Variants in HDX observed in about 807,000 individuals in gnomAD.
The protein encoded by HDX is chromosome X open reading frame 43.
In HDX, 19 loss-of-function variants were observed where a neutral mutation model predicts 45.2. The ratio of observed to expected loss-of-function variants is 0.42; its 90% CI spans 0.29 to 0.62. HDX has a LOEUF of 0.62. HDX is among the 20% of genes least tolerant of loss of function. The probability of loss-of-function intolerance (pLI) is 0.20; values close to 1 mark genes in which losing one functional copy is unlikely to be tolerated. For missense variants in HDX, 532 were observed against 493.9 expected, an observed-to-expected ratio of 1.08 and a Z score of -0.73; for synonymous variants, 188 against 172.8, an observed-to-expected ratio of 1.09 and a Z score of -0.69.
chrX:84,448,782 C>G (rs1225745152), intron 4 of HDX, among the ~76,000 whole-genome samples: 1 of 110,366 alleles, frequency 9.1e-6, no homozygotes, highest in East Asian at 2.9e-4. Context: ...ATTTATTCAG[C>G]AACAGATTAT....
intron 9 of HDX, among the ~76,000 whole-genome samples, chrX:84,327,812 A>G (rs757196758): frequency 9.0e-6 from 1 of 111,427 alleles, no homozygotes; most frequent in African/African-American, 3.3e-5. Flanking sequence ...TATTTAGTTA[A>G]ATCAATTTTA....
chrX:84,423,312 A>G (rs2039307585), intron 5 of HDX, among the ~76,000 whole-genome samples: 1 of 110,633 alleles, frequency 9.0e-6, no homozygotes, highest in Non-Finnish European at 1.9e-5. Context: ...AACAAAAGAC[A>G]ACAACAAAAA....
In HDX at chrX:84,361,621, C is replaced by T; in HGVS notation, c.1306-9G>A. On this transcript the variant is annotated splice_polypyrimidine_tract_variant and intron_variant, in intron 5 of 10. Coordinates refer to ENST00000373177, the MANE Select transcript of HDX (RefSeq NM_001177479.2). ...TGAGTGCGGTCCTGTAGCTGAAAAA[C>T]ACATTTTTAAATTGTTTTGAATTTT... is the stretch of plus-strand genomic sequence containing the variant. The T allele has an allele frequency of 8.7e-7, 1 of 1,148,601 alleles. No homozygotes were observed. Among genetic ancestry groups the T allele is most frequent in the South Asian group, 2.2e-5 (1 of 46,324 alleles). 94.7% of individuals were successfully genotyped at this position (1,148,601 alleles called of 1,213,427 possible). A position where few individuals can be genotyped will look rare whatever the true frequency, so the allele number is the denominator to read the frequency against.
At chrX:84,343,649 T>C (rs764045051) in intron 7 of HDX, among the ~76,000 whole-genome samples, 1 of 111,059 alleles carries the variant, frequency 9.0e-6, no homozygotes, top group African/African-American at 3.3e-5. Context: ...AATAAAAATA[T>C]GTCAAAAGAG....
chrX:84,447,937 C>G (rs1450457691), intron 4 of HDX, among the ~76,000 whole-genome samples: 3 of 111,707 alleles, frequency 2.7e-5, no homozygotes, highest in African/African-American at 9.8e-5. Context: ...TCACCCTCCC[C>G]AGTAGCAGAG....
At chrX:84,455,451 CTT>C (rs1467695835) in intron 4 of HDX, among the ~76,000 whole-genome samples, 2 of 112,016 alleles carry the variant, frequency 1.8e-5, no homozygotes, top group Admixed American at 1.9e-4. Flanking sequence ...ATCAGAGTAT[CTT>C]GGGAGCAGAA....
chrX:84,376,268 C>A (rs1047728178), intron 5 of HDX, among the ~76,000 whole-genome samples: 3 of 112,409 alleles, frequency 2.7e-5, no homozygotes, highest in African/African-American at 9.7e-5. Context: ...GGGTGAGCCT[C>A]TGAGACTTTC....
chrX:84,474,302 A>G (rs1368830150), intron 3 of HDX, among the ~76,000 whole-genome samples: 2 of 112,341 alleles, frequency 1.8e-5, no homozygotes, highest in Non-Finnish European at 1.9e-5. Flanking sequence ...CAAAAAAAAG[A>G]AAAAAATAAA....
At chrX:84,334,180 G>C (rs1047436969) in intron 8 of HDX, among the ~76,000 whole-genome samples, 1 of 111,548 alleles carries the variant, frequency 9.0e-6, no homozygotes, top group African/African-American at 3.2e-5. Context: ...ATTTTAATGC[G>C]AGTAAACATA....
intron 6 of HDX, among the ~76,000 whole-genome samples, chrX:84,353,946 T>C: frequency 8.9e-6 from 1 of 111,900 alleles, no homozygotes; most frequent in East Asian, 2.8e-4. Flanking sequence ...AGTTCTTTGC[T>C]TCAGATCTTC....
chrX:84,494,626 A>T (rs7882562), intron 1 of HDX, among the ~76,000 whole-genome samples: 3,989 of 111,848 alleles, frequency 0.036, 167 homozygotes, highest in African/African-American at 0.12. Flanking sequence ...AAACATACAC[A>T]TATATAGTGT....
chrX:84,401,855 A>G (rs1213772916), intron 5 of HDX, among the ~76,000 whole-genome samples: 1 of 112,523 alleles, frequency 8.9e-6, no homozygotes, highest in Non-Finnish European at 1.9e-5. Context: ...GTACATATAC[A>G]CCATGAAATA....
At chrX:84,322,072 A>T (rs1488560148) in intron 10 of HDX, 58 bp from the exon 11 acceptor site, 71 of 749,600 alleles carry the variant, frequency 9.5e-5, no homozygotes, top group Non-Finnish European at 1.3e-4. Flanking sequence ...TTTCCAATTT[A>T]TATTAATAGT....
At chrX:84,488,634 T>C (rs1052530469) in intron 1 of HDX, among the ~76,000 whole-genome samples, 1 of 111,266 alleles carries the variant, frequency 9.0e-6, no homozygotes, top group African/African-American at 3.3e-5. Context: ...ATTTCTAAGA[T>C]ATTTTGGGAA....
intron 5 of HDX, among the ~76,000 whole-genome samples, chrX:84,363,176 G>T (rs2037663663): frequency 9.0e-6 from 1 of 111,580 alleles, no homozygotes; most frequent in Admixed American, 9.6e-5. Flanking sequence ...TGCCATCTAA[G>T]TTTTTTTAAA....
At chrX:84,456,032 G>T (rs2040105420) in intron 4 of HDX, among the ~76,000 whole-genome samples, 1 of 111,656 alleles carries the variant, frequency 9.0e-6, no homozygotes, top group African/African-American at 3.2e-5. Flanking sequence ...AAAAGCTGAG[G>T]ATTTCATCAA....
chrX:84,450,954 A>G (rs5968326), intron 4 of HDX, among the ~76,000 whole-genome samples: 4,670 of 112,028 alleles, frequency 0.042, 236 homozygotes, highest in African/African-American at 0.14. Context: ...AAGAGGGAAG[A>G]AATTAAAGAG....
chrX:84,449,324 C>A (rs1465467491), intron 4 of HDX, among the ~76,000 whole-genome samples: 2 of 111,690 alleles, frequency 1.8e-5, no homozygotes, highest in African/African-American at 6.5e-5. Flanking sequence ...CAGAGATCCA[C>A]AAAGAGATAC....
At chrX:84,429,663 A>G (rs1482720645) in intron 5 of HDX, among the ~76,000 whole-genome samples, 1 of 109,791 alleles carries the variant, frequency 9.1e-6, no homozygotes, top group Non-Finnish European at 1.9e-5. Context: ...GATACCTTAC[A>G]TTTTTCTTGC....
Sources: allele counts gnomAD v4.1 joint callset (sites outside exome capture counted in the v4.1 genomes callset), GRCh38; gene constraint gnomAD v4.1.1; transcripts MANE v1.5; gene names NCBI Gene and HGNC (gene_info 2026-07-23, HGNC 2026-07-21).